Variants in PGM5 observed in about 807,000 individuals in gnomAD.
PGM5 encodes phosphoglucomutase-like protein 5.
In PGM5, 23 loss-of-function variants were observed where a neutral mutation model predicts 59.2. The ratio of observed to expected loss-of-function variants is 0.39; its 90% CI spans 0.28 to 0.55. PGM5 has a LOEUF of 0.55. PGM5 is among the 20% of genes least tolerant of loss of function. The probability of loss-of-function intolerance (pLI) is 0.66; values close to 1 mark genes in which losing one functional copy is unlikely to be tolerated. For synonymous variants in PGM5, 214 were observed against 286.0 expected, an observed-to-expected ratio of 0.75 and a Z score of 2.54; for missense variants, 574 against 748.3, an observed-to-expected ratio of 0.77 and a Z score of 2.72.
chr9:68,377,429 C>T (rs555124579), intron 1 of PGM5, among the ~76,000 whole-genome samples: 9 of 152,280 alleles, frequency 5.9e-5, no homozygotes, highest in East Asian at 5.8e-4. Context: ...TAAAAAGCTT[C>T]GTAAGTGATT....
At chr9:68,467,392 A>G (rs1248466580) in intron 7 of PGM5, among the ~76,000 whole-genome samples, 1 of 152,066 alleles carries the variant, frequency 6.6e-6, no homozygotes. Context: ...GGCTCTTTGG[A>G]ATTCACTTGA....
intron 10 of PGM5, among the ~76,000 whole-genome samples, chr9:68,512,472 T>A (rs1824764823): frequency 6.6e-6 from 1 of 151,974 alleles, no homozygotes; most frequent in African/African-American, 2.4e-5. Flanking sequence ...CTGAGATGAG[T>A]GTGTTGACAG....
intron 1 of PGM5, among the ~76,000 whole-genome samples, chr9:68,376,734 G>A (rs565717740): frequency 9.3e-5 from 14 of 151,058 alleles, no homozygotes; most frequent in African/African-American, 1.7e-4. Flanking sequence ...GTTCTTATTC[G>A]GTAGGCCTTG....
intron 10 of PGM5, among the ~76,000 whole-genome samples, chr9:68,524,134 T>C (rs950023700): frequency 6.6e-6 from 1 of 152,192 alleles, no homozygotes; most frequent in Non-Finnish European, 1.5e-5. Flanking sequence ...CTAGGATTTA[T>C]GTGGGCTAGG....
intron 7 of PGM5, among the ~76,000 whole-genome samples, chr9:68,477,939 A>G (rs1824132406): frequency 6.6e-6 from 1 of 152,240 alleles, no homozygotes; most frequent in African/African-American, 2.4e-5. Flanking sequence ...TTGATACAAC[A>G]ACAATGCCGC....
At chr9:68,375,114 T>G (rs1554677473) in intron 1 of PGM5, among the ~76,000 whole-genome samples, 1 of 152,200 alleles carries the variant, frequency 6.6e-6, no homozygotes, top group Non-Finnish European at 1.5e-5. Flanking sequence ...ACAGGGCTTC[T>G]TGAGTGTCTT....
chr9:68,412,372 A>G (rs575158766), intron 6 of PGM5, among the ~76,000 whole-genome samples: 2 of 152,374 alleles, frequency 1.3e-5, no homozygotes, highest in Admixed American at 6.5e-5. Flanking sequence ...GCTTCATGGT[A>G]TCTGAGAGTC....
intron 9 of PGM5, among the ~76,000 whole-genome samples, chr9:68,487,426 C>A (rs1824313074): frequency 9.7e-6 from 1 of 102,832 alleles, no homozygotes. Context: ...AAGGATACAA[C>A]TATTCTCTCT....
intron 8 of PGM5, among the ~76,000 whole-genome samples, chr9:68,480,391 G>A (rs1353160156): frequency 6.6e-6 from 1 of 152,106 alleles, no homozygotes; most frequent in Non-Finnish European, 1.5e-5. Flanking sequence ...CCCAGATATT[G>A]TTAAAGTTTT....
intron 10 of PGM5, among the ~76,000 whole-genome samples, chr9:68,521,133 C>G (rs909434270): frequency 6.6e-6 from 1 of 152,164 alleles, no homozygotes; most frequent in African/African-American, 2.4e-5. Flanking sequence ...CACTTGATTG[C>G]CATGTGACTG....
intron 6 of PGM5, among the ~76,000 whole-genome samples, chr9:68,447,074 A>G (rs140821745): frequency 4.6e-5 from 7 of 152,154 alleles, no homozygotes; most frequent in African/African-American, 1.7e-4. Context: ...CAGACCATCC[A>G]TTTTCTTTGC....
intron 6 of PGM5, among the ~76,000 whole-genome samples, chr9:68,404,087 A>C (rs1293706531): frequency 6.6e-6 from 1 of 152,132 alleles, no homozygotes; most frequent in Non-Finnish European, 1.5e-5. Flanking sequence ...TATTCTGGGT[A>C]AAGTGGGTTA....
chr9:68,496,470 G>A (rs1824484551), intron 9 of PGM5, among the ~76,000 whole-genome samples: 1 of 152,182 alleles, frequency 6.6e-6, no homozygotes, highest in South Asian at 2.1e-4. Context: ...GTCTTGAAAA[G>A]CAACATGGAT....
intron 6 of PGM5, chr9:68,398,426 A>G (rs1422282845): frequency 2.0e-5 from 3 of 152,096 alleles, no homozygotes; most frequent in Non-Finnish European, 4.4e-5. Context: ...AAAACACAAG[A>G]AGGAATGGGG....
At chr9:68,425,101 C>A (rs1587805112) in intron 6 of PGM5, among the ~76,000 whole-genome samples, 3 of 152,042 alleles carry the variant, frequency 2.0e-5, no homozygotes, top group Non-Finnish European at 4.4e-5. Context: ...TTTTTGAGGG[C>A]TTTTCTGTAT....
intron 6 of PGM5, among the ~76,000 whole-genome samples, chr9:68,449,019 C>A (rs1823655834): frequency 6.6e-6 from 1 of 152,190 alleles, no homozygotes; most frequent in African/African-American, 2.4e-5. Flanking sequence ...AGTCCAAGAT[C>A]AAGGACCCAG....
chr9:68,474,566 G>GAA (rs372793330), intron 7 of PGM5, among the ~76,000 whole-genome samples: 1 of 142,862 alleles, frequency 7.0e-6, no homozygotes, highest in Non-Finnish European at 1.5e-5. Flanking sequence ...TATTTCTCTA[G>GAA]AAAAAAAAAA....
chr9:68,477,193 G>A (rs1209913692), intron 7 of PGM5, among the ~76,000 whole-genome samples: 1 of 152,168 alleles, frequency 6.6e-6, no homozygotes, highest in African/African-American at 2.4e-5. Flanking sequence ...TTAACCCAGA[G>A]GCAACCACAA....
chr9:68,383,189 G>A (rs1470744396), intron 2 of PGM5, among the ~76,000 whole-genome samples: 31 of 151,768 alleles, frequency 2.0e-4, no homozygotes, highest in African/African-American at 7.3e-4. Flanking sequence ...TTTTTTATGA[G>A]CATGTATTGG....
Sources: gnomAD v4.1 joint callset for allele counts (sites outside exome capture counted in the v4.1 genomes callset) on GRCh38, gnomAD v4.1.1 for gene constraint, MANE v1.5 for transcripts, NCBI Gene and HGNC (gene_info 2026-07-23, HGNC 2026-07-21) for gene names.